CDH13: variants seen among roughly 807,000 people sequenced by gnomAD.
CDH13 encodes the protein cadherin-13.
CDH13 carries 24 observed loss-of-function variants against 63.8 expected under a neutral mutation model. The ratio of observed to expected loss-of-function variants is 0.38; its 90% CI spans 0.27 to 0.53. CDH13 has a LOEUF of 0.53. Ranked by LOEUF, CDH13 falls within the 20% of genes least tolerant of loss-of-function variation. The pLI is 0.85. For missense variants in CDH13, 1,049 were observed against 903.1 expected (o/e 1.16, Z -2.07); for synonymous variants, 503 against 355.3 (o/e 1.42, Z -4.67).
chr16:83,703,651 G>C (rs7198067), intron 10 of CDH13, among the ~76,000 whole-genome samples: 152,026 of 152,368 alleles, frequency 1, 75,842 homozygotes, highest in Middle Eastern at 1. Context: ...TCTTCACACT[G>C]TCTTGTATTA....
At chr16:83,303,194 C>T (rs1249154212) in intron 5 of CDH13, among the ~76,000 whole-genome samples, 1 of 152,228 alleles carries the variant, frequency 6.6e-6, no homozygotes, top group African/African-American at 2.4e-5. Context: ...GCTTCCCCTT[C>T]ACCTTCCGAA....
At position 83,025,841 on chromosome 16, in the gene CDH13, T is replaced by A. The variant is rs535963434; in HGVS notation, c.158-6169T>A. On this transcript the variant is annotated intron_variant, in intron 2 of 13. Transcript: ENST00000567109. ...TTGACAAAGAGTTTATAATGTAAGGTCCTGGTTCCTGGCTCTGTCTGCATT... is the reference window on the plus strand; with the variant it reads ...TTGACAAAGAGTTTATAATGTAAGGACCTGGTTCCTGGCTCTGTCTGCATT... Among the ~76,000 whole-genome samples the A allele has an allele frequency of 6.6e-5, 10 of 152,226 alleles. No individual in the cohort carries two copies. The South Asian group carries it at 2.1e-3, about 32-fold the overall frequency.
chr16:82,832,170 C>A (rs982174158), intron 1 of CDH13, among the ~76,000 whole-genome samples: 37 of 152,146 alleles, frequency 2.4e-4, no homozygotes, highest in Admixed American at 3.3e-4. Context: ...GTCAAGGAGA[C>A]ATTTTTCACG....
intron 3 of CDH13, among the ~76,000 whole-genome samples, chr16:83,088,289 G>A (rs987799153): frequency 6.6e-6 from 1 of 152,162 alleles, no homozygotes; most frequent in African/African-American, 2.4e-5. Flanking sequence ...CTTCCCTGGT[G>A]CCTTATTAGG....
intron 2 of CDH13, among the ~76,000 whole-genome samples, chr16:83,000,220 C>CTTTTTTTTTTTTT (rs1567731430): frequency 2.9e-5 from 1 of 33,948 alleles, no homozygotes; most frequent in African/African-American, 1.0e-4. Flanking sequence ...ACAGGTTTAG[C>CTTTTTTTTTTTTT]TTATTTTTTT....
intron 1 of CDH13, among the ~76,000 whole-genome samples, chr16:82,838,866 C>T (rs1341884953): frequency 1.3e-5 from 2 of 152,300 alleles, no homozygotes. Flanking sequence ...AAGGTCCCTG[C>T]CCTCTGGCTT....
At chr16:83,651,263 T>C (rs1178905653) in intron 8 of CDH13, among the ~76,000 whole-genome samples, 2 of 152,200 alleles carry the variant, frequency 1.3e-5, no homozygotes, top group African/African-American at 2.4e-5. Flanking sequence ...ACAACGTGTA[T>C]TTCTTTGCTC....
intron 3 of CDH13, among the ~76,000 whole-genome samples, chr16:83,041,993 A>G (rs1292809401): frequency 6.6e-6 from 1 of 152,224 alleles, no homozygotes; most frequent in Non-Finnish European, 1.5e-5. Context: ...CACACGTTCT[A>G]GACAAAAATA....
rs376089392 is a variant in CDH13 at position 83,083,688 on chromosome 16, C to A, written c.367-41697C>A. Among the ~76,000 whole-genome samples the A allele has an allele frequency of 2.2e-4, 34 of 152,290 alleles. 1 individual carries two copies. The East Asian group carries it at 4.1e-3, about 18-fold the overall frequency. On this transcript the variant is annotated intron_variant, in intron 3 of 13. Transcript: ENST00000567109. Reference sequence around the variant, plus strand: ...TCGATAGAACTATAGTTGGAAGTGTCTTTTCAATATGAGCCTCTAGCTATA... The same window carrying A: ...TCGATAGAACTATAGTTGGAAGTGTATTTTCAATATGAGCCTCTAGCTATA...
chr16:83,487,458 T>A (rs1197614138), intron 7 of CDH13, among the ~76,000 whole-genome samples: 1 of 152,150 alleles, frequency 6.6e-6, no homozygotes, highest in African/African-American at 2.4e-5. Context: ...AGATGGGACA[T>A]GTGCTCCCAC....
At chr16:83,206,228 T>G (rs572351549) in intron 4 of CDH13, among the ~76,000 whole-genome samples, 1 of 152,332 alleles carries the variant, frequency 6.6e-6, no homozygotes, top group East Asian at 1.9e-4. Flanking sequence ...ACACAAGTAC[T>G]GATTGCCTAC....
At chr16:83,054,758 A>T (rs1370885331) in intron 3 of CDH13, among the ~76,000 whole-genome samples, 1 of 152,152 alleles carries the variant, frequency 6.6e-6, no homozygotes, top group African/African-American at 2.4e-5. Flanking sequence ...AAACTTTAAC[A>T]CATTTCTACA....
chr16:83,783,379 T>A lies in CDH13; in HGVS notation c.2041T>A (p.Ser681Thr). The A allele has an allele frequency of 6.2e-7, 1 of 1,613,970 alleles. No individual in the cohort carries two copies. The highest frequency in any genetic ancestry group is 8.5e-7 in the Non-Finnish European group (1 of 1,179,862). The change falls in exon 13 of 14, where the codon TCC (serine) becomes ACC (threonine). Residue 681 changes from serine (S) to threonine (T), a missense_variant. Ser to Thr is a moderately conservative substitution (Grantham distance 58). Coordinates refer to ENST00000567109, the MANE Select transcript of CDH13 (RefSeq NM_001257.5). The part of the protein sequence containing the change: ...NITDLRVQVC[S>T]CRNSKVDCNA... ...CACAGATCTCAGGGTACAAGTGTGC[T>A]CCTGCAGGAATTCCAAAGTGGACTG...
At chr16:83,152,725 C>G (rs1314582033) in intron 4 of CDH13, among the ~76,000 whole-genome samples, 1 of 152,170 alleles carries the variant, frequency 6.6e-6, no homozygotes, top group Non-Finnish European at 1.5e-5. Context: ...TTGCATCCCC[C>G]AAAACCCATG....
chr16:83,610,967 T>C (rs149020689), intron 8 of CDH13, among the ~76,000 whole-genome samples: 51 of 152,314 alleles, frequency 3.3e-4, no homozygotes, highest in African/African-American at 1.2e-3. Context: ...ATCAGTTTTT[T>C]GGTTTGTTAT....
chr16:83,031,979 T>C (rs767121144), intron 2 of CDH13, 31 bp from the exon 3 acceptor site: 2 of 1,535,810 alleles, frequency 1.3e-6, no homozygotes, highest in Admixed American at 1.9e-5. Context: ...AACCTACTCA[T>C]GCTCCTTCTG....
intron 7 of CDH13, among the ~76,000 whole-genome samples, chr16:83,552,420 T>C (rs2075522350): frequency 6.6e-6 from 1 of 152,206 alleles, no homozygotes; most frequent in Non-Finnish European, 1.5e-5. Context: ...ATGCACCAAT[T>C]GCTCGTGCTC....
At chr16:83,583,844 G>A (rs768980510) in intron 7 of CDH13, among the ~76,000 whole-genome samples, 4 of 152,176 alleles carry the variant, frequency 2.6e-5, no homozygotes, top group Non-Finnish European at 5.9e-5. Flanking sequence ...TTGAGCCCAC[G>A]AGGGAGAGGT....
chr16:83,644,237 C>A (rs1362322395), intron 8 of CDH13, among the ~76,000 whole-genome samples: 4 of 152,198 alleles, frequency 2.6e-5, no homozygotes, highest in Admixed American at 6.5e-5. Flanking sequence ...ACCCAAGGTG[C>A]TTCCATGGTC....
Sources: gnomAD v4.1 joint callset for allele counts (sites outside exome capture counted in the v4.1 genomes callset) on GRCh38, gnomAD v4.1.1 for gene constraint, MANE v1.5 for transcripts, NCBI Gene and HGNC (gene_info 2026-07-23, HGNC 2026-07-21) for gene names.